Variants in PSMC1 observed in about 807,000 individuals in gnomAD.
PSMC1 encodes proteasome 26S subunit, ATPase 1, also known as 26S proteasome regulatory subunit 4.
PSMC1 carries 5 observed loss-of-function variants against 49.8 expected under a neutral mutation model. The ratio of observed to expected loss-of-function variants is 0.10; its 90% CI spans 0.05 to 0.21. PSMC1 has a LOEUF of 0.21. Ranked by LOEUF, PSMC1 falls within the 10% of genes least tolerant of loss-of-function variation. The pLI, the probability that PSMC1 is intolerant of heterozygous loss-of-function variation, is 1.00. For missense variants in PSMC1, 181 were observed against 535.7 expected (o/e 0.34, Z 6.54); for synonymous variants, 155 against 192.1 (o/e 0.81, Z 1.60).
At chr14:90,271,207 A>G (rs1192389876) in intron 10 of PSMC1, 1 of 152,216 alleles carries the variant, frequency 6.6e-6, no homozygotes, top group African/African-American at 2.4e-5. Context: ...AACCATTTGA[A>G]GTAAATAACC....
chr14:90,272,268 T>C lies in PSMC1; in HGVS notation c.1189-5T>C, dbSNP rs763411832. 1.2e-6 allele frequency: 2 copies of C among 1,602,006 alleles called. No homozygotes were observed. The highest frequency in any genetic ancestry group is 2.2e-5 in the East Asian group (1 of 44,792). On this transcript the variant is annotated splice_polypyrimidine_tract_variant and splice_region_variant and intron_variant, in intron 10 of 10. Transcript: ENST00000261303. The surrounding 1 kb of genome is among the most constrained non-coding windows in gnomAD (Gnocchi z 4.5). ...ACTTTCTGAACACACTCTTCTTTCT[T>C]ACAGGCAATCTGTACAGAAGCTGGT... is the stretch of plus-strand genomic sequence containing the variant.
intron 3 of PSMC1, among the ~76,000 whole-genome samples, chr14:90,262,227 ACATGGCACATGTATG>A (rs1489238331): frequency 6.6e-6 from 1 of 150,590 alleles, no homozygotes; most frequent in African/African-American, 2.4e-5. Context: ...CAGCACACCA[ACATGGCACATGTATG>A]CATATGTAAC....
intron 3 of PSMC1, among the ~76,000 whole-genome samples, chr14:90,262,360 T>G (rs952300313): frequency 6.6e-6 from 1 of 152,044 alleles, no homozygotes; most frequent in African/African-American, 2.4e-5. Context: ...AAAATGAAAT[T>G]AGATTCTTGA....
chr14:90,261,762 G>T (rs1236704711), intron 3 of PSMC1, among the ~76,000 whole-genome samples: 2 of 151,392 alleles, frequency 1.3e-5, no homozygotes. Context: ...CAAGGATCTA[G>T]AACTAGAAAT....
At position 90,272,695 on chromosome 14, in the gene PSMC1, G is replaced by A. The variant is rs1015252620; in HGVS notation, c.*288G>A. On this transcript the variant is annotated 3_prime_UTR_variant, in exon 11 of 11. Transcript: ENST00000261303. The surrounding 1 kb of genome is among the most constrained non-coding windows in gnomAD (Gnocchi z 4.5). Reference sequence around the variant, plus strand: ...AGCCTGTGGGTGGACCCAGCTACAGGGAAGCCTTTGGACAGGAACTCAGGC... The same window carrying A: ...AGCCTGTGGGTGGACCCAGCTACAGAGAAGCCTTTGGACAGGAACTCAGGC... 1 of 260,054 alleles carries A rather than the reference G, an allele frequency of 3.8e-6. No individual in the cohort carries two copies. Among genetic ancestry groups the A allele is most frequent in the Non-Finnish European group, 7.6e-6 (1 of 131,528 alleles). The allele number at this position is 260,054 out of a possible 1,614,324, so 16.1% of individuals were successfully genotyped here.
At position 90,270,199 on chromosome 14, in the gene PSMC1, C is replaced by T; in HGVS notation, c.1035C>T (p.Gly345=). 6.2e-7 allele frequency: 1 copy of T among 1,613,462 alleles called. No homozygotes were observed. Among genetic ancestry groups the T allele is most frequent in the Non-Finnish European group, 8.5e-7 (1 of 1,179,608 alleles). The change falls in exon 10 of 11, where the codon GGC becomes GGT. Residue 345 remains glycine, a splice_region_variant and synonymous_variant. Coordinates refer to ENST00000261303, the MANE Select transcript of PSMC1 (RefSeq NM_002802.3). ...CTTCAAATCTCTTTGTACCTGCAGGCCGCATTGACAGGAAGATTGAGTTCC... is the reference window on the plus strand; with the variant it reads ...CTTCAAATCTCTTTGTACCTGCAGGTCGCATTGACAGGAAGATTGAGTTCC... The part of the protein sequence containing the change: ...ETLDPALIRP[G]RIDRKIEFPL...
intron 9 of PSMC1, 142 bp from the exon 10 acceptor site, chr14:90,270,056 A>G: frequency 1.2e-6 from 1 of 828,546 alleles, no homozygotes; most frequent in Admixed American, 3.0e-5. Context: ...ATATATGTTT[A>G]CTTTTTAAAA....
Position 90,268,366 on chromosome 14 carries a change from A to G in PSMC1, c.834A>G (p.Ala278=), listed in dbSNP as rs1439444934. ...RELFRVAEEH[A]PSIVFIDEID... is the part of the protein sequence containing the mutation. The stretch of plus-strand genomic sequence containing the variant: ...TGTTCCGAGTTGCTGAAGAACATGC[A>G]CCGTCCATCGTGTTTATTGATGAAA... Residue 278 remains alanine (A), a synonymous_variant, in exon 8 of 11, where the codon GCA becomes GCG. Coordinates refer to ENST00000261303, the MANE Select transcript of PSMC1 (RefSeq NM_002802.3). 11 of 1,613,504 alleles carry G rather than the reference A, an allele frequency of 6.8e-6. No homozygotes were observed. Among genetic ancestry groups the G allele is most frequent in the Non-Finnish European group, 6.8e-6 (8 of 1,179,816 alleles).
rs532511254 is a variant in PSMC1, at chr14:90,267,190, C to T, written c.692-1034C>T. ...TGTCGCCCAGGCTGGAGTGCAATGG[C>T]GCGATCTTGGCTCACTGCAATCTCC... On this transcript the variant is annotated intron_variant, in intron 7 of 10. Transcript: ENST00000261303. 3.1e-4 allele frequency among the ~76,000 whole-genome samples: 47 copies of T among 150,684 alleles called. 1 individual carries two copies. The highest frequency in any genetic ancestry group is 8.5e-4 in the African/African-American group (35 of 40,994).
Position 90,260,160 on chromosome 14 carries a change from A to G in PSMC1, c.103A>G (p.Lys35Glu). The G allele has an allele frequency of 6.2e-7, 1 of 1,611,242 alleles. No individual in the cohort carries two copies. The highest frequency in any genetic ancestry group is 8.5e-7 in the Non-Finnish European group (1 of 1,178,964). Residue 35 changes from lysine to glutamate, a missense_variant, in exon 3 of 11, where the codon AAA (lysine) becomes GAA (glutamate). By Grantham distance (56) the Lys-to-Glu change is moderately conservative (BLOSUM62 1). Coordinates refer to ENST00000261303, the MANE Select transcript of PSMC1 (RefSeq NM_002802.3). ...YEPPVPTRVG[K>E]KKKKTKGPDA... ...ACCTCCTGTACCAACTAGAGTGGGG[A>G]AAAAGAAGAAGAAAACAAAGGGACC...
intron 3 of PSMC1, among the ~76,000 whole-genome samples, chr14:90,260,858 G>C (rs10132503): frequency 0.99 from 150,545 of 152,380 alleles, 74,384 homozygotes; most frequent in Middle Eastern, 1. Flanking sequence ...CCACTGCACT[G>C]TAGCCTGGAT....
Position 90,268,933 on chromosome 14 carries a change from C to A in PSMC1, c.882-464C>A, listed in dbSNP as rs181462951. ...GGCTGAGAAGCCCAAGATCAAGGCA[C>A]TGGCATTGATGTCTAGTGAGGGCTG... On this transcript the variant is annotated intron_variant, in intron 8 of 10. Coordinates refer to ENST00000261303, the MANE Select transcript of PSMC1 (RefSeq NM_002802.3). 4.1e-4 allele frequency: 65 copies of A among 160,054 alleles called. 1 individual carries two copies. The highest frequency in any genetic ancestry group is 1.2e-3 in the Admixed American group (20 of 16,212). 9.9% of individuals were successfully genotyped at this position (160,054 alleles called of 1,614,324 possible).
chr14:90,260,226 TCTC>T lies in PSMC1; in HGVS notation c.154+18_154+20del, dbSNP rs1384302482. Reference sequence around the variant, plus strand: ...ACTGCCACTGGGTAATGACATGGCTTCTCCTTGCCATCTTTCCAGTTCTTAGGA... The same window carrying T: ...ACTGCCACTGGGTAATGACATGGCTTCTTGCCATCTTTCCAGTTCTTAGGA... On this transcript the variant is annotated intron_variant, in intron 3 of 10. Coordinates refer to ENST00000261303, the MANE Select transcript of PSMC1 (RefSeq NM_002802.3). The T allele has an allele frequency of 6.4e-7, 1 of 1,552,836 alleles. No individual in the cohort carries two copies. Among genetic ancestry groups the T allele is most frequent in the East Asian group, 2.2e-5 (1 of 44,502 alleles).
At chr14:90,264,015 T>C in intron 5 of PSMC1, 26 bp from the exon 6 acceptor site, 1 of 1,599,294 alleles carries the variant, frequency 6.3e-7, no homozygotes, top group Non-Finnish European at 8.5e-7. Flanking sequence ...CACGTTCCTG[T>C]GTTAAACCTT....
chr14:90,259,841 C>T (rs1182287610), intron 2 of PSMC1, among the ~76,000 whole-genome samples: 2 of 152,056 alleles, frequency 1.3e-5, no homozygotes, highest in African/African-American at 4.8e-5. Flanking sequence ...AAGCTGGTCT[C>T]AAACTCCTGA....
intron 9 of PSMC1, 93 bp from the exon 10 acceptor site, chr14:90,270,105 C>A: frequency 7.5e-7 from 1 of 1,339,810 alleles, no homozygotes; most frequent in Non-Finnish European, 1.0e-6. Flanking sequence ...CCGACTGAAA[C>A]TTCGTATGTA....
At chr14:90,263,057 A>G (rs1891431833) in intron 3 of PSMC1, among the ~76,000 whole-genome samples, 1 of 152,088 alleles carries the variant, frequency 6.6e-6, no homozygotes, top group African/African-American at 2.4e-5. Context: ...TTTCTTCTTT[A>G]AGTATACAGA....
rs1891780929 is a variant in PSMC1 at position 90,275,344 on chromosome 14, G to C, written c.*2937G>C. On this transcript the variant is annotated 3_prime_UTR_variant, in exon 11 of 11. Coordinates refer to ENST00000261303, the MANE Select transcript of PSMC1 (RefSeq NM_002802.3). ...GGCGGGTAGCAGACTCTCAGCAACTGACTCACACGGTTCAGGAAACAAAAT... is the reference window on the plus strand; with the variant it reads ...GGCGGGTAGCAGACTCTCAGCAACTCACTCACACGGTTCAGGAAACAAAAT... 6.6e-6 allele frequency: 1 copy of C among 152,072 alleles called. No homozygotes were observed. Among genetic ancestry groups the C allele is most frequent in the African/African-American group, 2.4e-5 (1 of 41,396 alleles). 9.4% of individuals were successfully genotyped at this position (152,072 alleles called of 1,614,324 possible).
chr14:90,261,405 C>T (rs11845329), intron 3 of PSMC1, among the ~76,000 whole-genome samples: 83,795 of 152,022 alleles, frequency 0.55, 23,772 homozygotes, highest in Middle Eastern at 0.72. Flanking sequence ...ATTGGTCTAC[C>T]ATAATGAATT....
Sources: gnomAD v4.1 joint callset for allele counts (sites outside exome capture counted in the v4.1 genomes callset) on GRCh38, gnomAD v4.1.1 for gene constraint, Gnocchi (gnomAD v3.1) non-coding constraint, MANE v1.5 for transcripts, NCBI Gene and HGNC (gene_info 2026-07-23, HGNC 2026-07-21) for gene names.